The following CAPN2 variants were observed in gnomAD, a reference collection of about 807,000 sequenced individuals.
CAPN2 encodes the protein calpain 2, also known as calpain-2 catalytic subunit.
In CAPN2, 92 loss-of-function variants were observed where a neutral mutation model predicts 102.3. The ratio of observed to expected loss-of-function variants is 0.90; its 90% CI spans 0.76 to 1.07. The LOEUF (loss-of-function observed/expected upper bound fraction) is 1.07. Among genes scored for constraint, CAPN2 ranks in the 50% least tolerant of loss-of-function variants. The probability of loss-of-function intolerance (pLI) is 0.00; values close to 1 mark genes in which losing one functional copy is unlikely to be tolerated. For synonymous variants in CAPN2, 340 were observed against 355.4 expected (o/e 0.96, Z 0.49); for missense variants, 800 against 909.4 (o/e 0.88, Z 1.55).
In CAPN2 at chr1:223,747,031, G is replaced by A. The variant is rs780088909; in HGVS notation, c.595G>A (p.Ala199Thr). The part of the protein sequence containing the change: ...NGCYEALSGG[A>T]TTEGFEDFTG... The stretch of plus-strand genomic sequence containing the variant: ...ATGCTATGAAGCGCTATCAGGGGGT[G>A]CCACCACTGAGGGCTTCGAAGACTT... The change falls in exon 5 of 21, where the codon GCC becomes ACC. Residue 199 changes from alanine (A) to threonine (T), a missense_variant. By Grantham distance (58) the Ala-to-Thr change is moderately conservative. Coordinates refer to ENST00000295006, the MANE Select transcript of CAPN2 (RefSeq NM_001748.5). 6.2e-7 allele frequency: 1 copy of A among 1,614,022 alleles called. No individual in the cohort carries two copies. Among genetic ancestry groups the A allele is most frequent in the Non-Finnish European group, 8.5e-7 (1 of 1,179,938 alleles).
chr1:223,728,361 T>C (rs182513724), intron 2 of CAPN2, among the ~76,000 whole-genome samples: 1 of 152,254 alleles, frequency 6.6e-6, no homozygotes, highest in East Asian at 1.9e-4. Context: ...GTCTCTTTTG[T>C]GGTCTCCCCA....
chr1:223,748,643 C>T (rs1660808713), intron 5 of CAPN2, among the ~76,000 whole-genome samples: 1 of 152,078 alleles, frequency 6.6e-6, no homozygotes, highest in Non-Finnish European at 1.5e-5. Flanking sequence ...CAGCCCTGCG[C>T]CATCGAGGAC....
chr1:223,759,386 G>A lies in CAPN2; in HGVS notation c.1434G>A (p.Pro478=), dbSNP rs764806664. ...LREVLNRFKL[P]PGEYILVPST... The stretch of plus-strand genomic sequence containing the variant: ...AGGTGCTCAACCGCTTCAAGCTGCC[G>A]CCAGGAGAGTACATTCTCGTGCCTT... Residue 478 remains proline, a synonymous_variant, in exon 12 of 21, where the codon CCG becomes CCA. Transcript: ENST00000295006. This position sits in a 1 kb window ranked among gnomAD's most constrained non-coding sequence, Gnocchi z 4.6. 16 of 1,614,056 alleles carry A rather than the reference G, an allele frequency of 9.9e-6. No homozygotes were observed. Among genetic ancestry groups the A allele is most frequent in the East Asian group, 2.2e-5 (1 of 44,888 alleles).
intron 2 of CAPN2, among the ~76,000 whole-genome samples, chr1:223,741,446 A>G (rs202232306): frequency 1.0e-5 from 1 of 98,728 alleles, no homozygotes; most frequent in East Asian, 4.1e-4. Context: ...ATGTGTATAT[A>G]TATATATATA....
intron 12 of CAPN2, among the ~76,000 whole-genome samples, chr1:223,761,084 C>A (rs1051430101): frequency 6.6e-6 from 1 of 152,232 alleles, no homozygotes; most frequent in Non-Finnish European, 1.5e-5. Context: ...CAACCTGAGG[C>A]AGAACAAGTA....
Position 223,771,798 on chromosome 1 carries a change from T to C in CAPN2, c.1904-11T>C, listed in dbSNP as rs1159111348. On this transcript the variant is annotated splice_polypyrimidine_tract_variant and intron_variant, in intron 18 of 20. Coordinates refer to ENST00000295006, the MANE Select transcript of CAPN2 (RefSeq NM_001748.5). ...GCTTAGCAATGAGTTTGTTTGTTCATGTAACTTCAGGTTTCAAGATGCCCT... is the reference window on the plus strand; with the variant it reads ...GCTTAGCAATGAGTTTGTTTGTTCACGTAACTTCAGGTTTCAAGATGCCCT... 10 of 1,563,318 alleles carry C rather than the reference T, an allele frequency of 6.4e-6. No individual in the cohort carries two copies. The Middle Eastern group carries it at 5.0e-4, about 78-fold the overall frequency.
rs539758299 is a variant in CAPN2 at position 223,756,221 on chromosome 1, C to T, written c.1305+572C>T. Among the ~76,000 whole-genome samples, 79 of 152,340 alleles carry T rather than the reference C, an allele frequency of 5.2e-4. No homozygotes were observed. The highest frequency in any genetic ancestry group is 1.9e-3 in the African/African-American group (79 of 41,576). ...CAGAGGGCAGCCGCATTGCAGTCTC[C>T]TCTCCGCCCTCAGGCTGGGGCTGGG... On this transcript the variant is annotated intron_variant, in intron 10 of 20. Transcript: ENST00000295006. This position sits in a 1 kb window ranked among gnomAD's most constrained non-coding sequence, Gnocchi z 4.1.
chr1:223,710,305 CAACAACAAA>C (rs1327451455), upstream of CAPN2, among the ~76,000 whole-genome samples: 6 of 152,024 alleles, frequency 3.9e-5, no homozygotes, highest in African/African-American at 1.4e-4. Context: ...ACAACAACAA[CAACAACAAA>C]AACAATGAAA....
rs375071391 is a variant in CAPN2 at position 223,760,149 on chromosome 1, T to A, written c.1529+668T>A. ...CCTGGGTGATTTAAGCTAAAGGGAA[T>A]TCATCGAAAGGCCATTGGAGACTCC... On this transcript the variant is annotated intron_variant, in intron 12 of 20. Transcript: ENST00000295006. 5.3e-5 allele frequency among the ~76,000 whole-genome samples: 8 copies of A among 152,226 alleles called. No individual in the cohort carries two copies. In the East Asian group the frequency reaches 5.8e-4, roughly 11 times the overall value.
intron 2 of CAPN2, among the ~76,000 whole-genome samples, chr1:223,736,822 A>C (rs1660467178): frequency 1.3e-5 from 2 of 152,142 alleles, no homozygotes; most frequent in African/African-American, 4.8e-5. Flanking sequence ...AGTCAGGAGG[A>C]TCACTTGAGA....
chr1:223,707,326 GA>G (rs1355030152), intron 1 of CAPN2, among the ~76,000 whole-genome samples: 8 of 151,708 alleles, frequency 5.3e-5, no homozygotes, highest in African/African-American at 1.9e-4. Context: ...CAGTGGCCCA[GA>G]CCCAGGCAGT....
At chr1:223,758,385 G>C (rs1661092614) in intron 11 of CAPN2, 1 of 152,154 alleles carries the variant, frequency 6.6e-6, no homozygotes, top group Admixed American at 6.5e-5. Context: ...GTAGCACATC[G>C]GGCTCTTTTA....
chr1:223,761,689 C>T (rs1211471157), intron 13 of CAPN2, 72 bp downstream of exon 13: 10 of 1,305,532 alleles, frequency 7.7e-6, no homozygotes, highest in South Asian at 1.3e-5. Flanking sequence ...AAAAAAACTC[C>T]AAGAGTTTTT....
chr1:223,763,346 T>G (rs1661235567), intron 14 of CAPN2, among the ~76,000 whole-genome samples: 1 of 152,188 alleles, frequency 6.6e-6, no homozygotes, highest in South Asian at 2.1e-4. Context: ...CACCGGCCTC[T>G]CACCCTCTGC....
chr1:223,752,689 G>A (rs1412767384), intron 8 of CAPN2, 107 bp from the exon 9 acceptor site: 2 of 1,024,904 alleles, frequency 2.0e-6, no homozygotes, highest in African/African-American at 3.2e-5. Context: ...GTTCTAATGA[G>A]CTGCTCTGCC....
intron 2 of CAPN2, among the ~76,000 whole-genome samples, chr1:223,722,520 G>A (rs1660079635): frequency 6.6e-6 from 1 of 151,336 alleles, no homozygotes; most frequent in Non-Finnish European, 1.5e-5. Flanking sequence ...CAAGTTCCTG[G>A]GCTCAAGCAA....
chr1:223,772,324 T>C, intron 20 of CAPN2, 85 bp downstream of exon 20: 1 of 1,247,352 alleles, frequency 8.0e-7, no homozygotes, highest in Non-Finnish European at 1.2e-6. Context: ...ATCTGCTTTT[T>C]CAAGTTTTGC....
At chr1:223,718,355 G>A (rs980822083) in intron 2 of CAPN2, among the ~76,000 whole-genome samples, 1 of 152,206 alleles carries the variant, frequency 6.6e-6, no homozygotes, top group African/African-American at 2.4e-5. Flanking sequence ...GCTCACCATG[G>A]TATCACAGTT....
intron 2 of CAPN2, among the ~76,000 whole-genome samples, chr1:223,737,105 A>G (rs1386738517): frequency 2.6e-5 from 4 of 152,176 alleles, no homozygotes; most frequent in Admixed American, 2.6e-4. Flanking sequence ...GGAGGAAGGG[A>G]CAGGAGGCCC....
Sources: allele counts gnomAD v4.1 joint callset (sites outside exome capture counted in the v4.1 genomes callset), GRCh38; gene constraint gnomAD v4.1.1; non-coding constraint Gnocchi (gnomAD v3.1); transcripts MANE v1.5; gene names NCBI Gene and HGNC (gene_info 2026-07-23, HGNC 2026-07-21).